Variants in TENM3 observed in about 807,000 individuals in gnomAD.
The protein encoded by TENM3 is teneurin transmembrane protein 3.
Under a neutral mutation model 255.1 loss-of-function variants are expected in TENM3, and 63 were observed. The observed-to-expected ratio is 0.25, with a 90% confidence interval of 0.20 to 0.30. The LOEUF is 0.30. Ranked by LOEUF, TENM3 falls within the 10% of genes least tolerant of loss-of-function variation. The probability of loss-of-function intolerance (pLI) is 1.00; values close to 1 mark genes in which losing one functional copy is unlikely to be tolerated. For synonymous variants in TENM3, 1,306 were observed against 1,322.3 expected (o/e 0.99, Z 0.27); for missense variants, 2,929 against 3,461.1 (o/e 0.85, Z 3.86).
At chr4:181,647,404 A>G in the TENM3 span, among the ~76,000 whole-genome samples, 1 of 152,248 alleles carries the variant, frequency 6.6e-6, no homozygotes, top group African/African-American at 2.4e-5. Flanking sequence ...CAGCAGCTCT[A>G]GGAGAGGAAA....
chr4:182,799,737 A>T lies in TENM3; in HGVS notation c.7486A>T (p.Ile2496Phe). The change falls in exon 28 of 28, where the codon ATC becomes TTC. Residue 2496 changes from isoleucine to phenylalanine, a missense_variant. Ile to Phe is a conservative substitution (Grantham distance 21). Transcript: ENST00000511685. This position sits in a 1 kb window ranked among gnomAD's most constrained non-coding sequence, Gnocchi z 4.2. ...WLWFATVKSL[I>F]GKGVMLAVSQ... ...GTGGTTCGCCACGGTCAAGTCGCTG[A>T]TCGGCAAGGGCGTCATGCTGGCCGT... The T allele has an allele frequency of 6.4e-7, 1 of 1,559,558 alleles. No individual in the cohort carries two copies. Among genetic ancestry groups the T allele is most frequent in the Non-Finnish European group, 8.7e-7 (1 of 1,152,906 alleles).
chr4:182,652,300 C>A (rs1753377813), intron 5 of TENM3, among the ~76,000 whole-genome samples: 1 of 152,124 alleles, frequency 6.6e-6, no homozygotes, highest in African/African-American at 2.4e-5. Flanking sequence ...AGGTATTTTC[C>A]TGTCAGGGAG....
chr4:182,675,824 A>T (rs1200496760), intron 7 of TENM3, among the ~76,000 whole-genome samples: 2 of 152,228 alleles, frequency 1.3e-5, no homozygotes, highest in African/African-American at 4.8e-5. Context: ...GTTGACTGCA[A>T]GTTGTATATA....
the TENM3 span, among the ~76,000 whole-genome samples, chr4:181,564,216 A>C: frequency 6.6e-6 from 1 of 151,704 alleles, no homozygotes; most frequent in East Asian, 1.9e-4. Flanking sequence ...AGTAGAGATG[A>C]GGTTCCACCA....
At chr4:182,224,737 CT>C (rs112818920) in intron 1 of TENM3, among the ~76,000 whole-genome samples, 2,987 of 137,358 alleles carry the variant, frequency 0.022, 30 homozygotes, top group Non-Finnish European at 0.025. Flanking sequence ...AGTCAGATAT[CT>C]TTTTTTTTTT....
At chr4:182,177,966 T>TG (rs142337890) in intron 1 of TENM3, among the ~76,000 whole-genome samples, 28,925 of 146,642 alleles carry the variant, frequency 0.2, 3,114 homozygotes, top group South Asian at 0.25. Context: ...TTGTTTTTTT[T>TG]TTTTTTTTTG....
chr4:182,326,079 G>C (rs965596727), intron 2 of TENM3, among the ~76,000 whole-genome samples: 1 of 152,228 alleles, frequency 6.6e-6, no homozygotes, highest in African/African-American at 2.4e-5. Flanking sequence ...AATCCAAAGG[G>C]GCGGAGGAAA....
intron 3 of TENM3, among the ~76,000 whole-genome samples, chr4:182,437,075 A>ACTT (rs1772103789): frequency 6.6e-6 from 1 of 151,882 alleles, no homozygotes; most frequent in Admixed American, 6.6e-5. Flanking sequence ...GAAGGAAAGA[A>ACTT]CTTCTCAACT....
chr4:181,715,428 G>A, the TENM3 span, among the ~76,000 whole-genome samples: 1 of 152,122 alleles, frequency 6.6e-6, no homozygotes, highest in Non-Finnish European at 1.5e-5. Context: ...TGAGATACAG[G>A]ATAAATGCAT....
intron 1 of TENM3, among the ~76,000 whole-genome samples, chr4:182,294,869 G>A (rs1317544828): frequency 6.6e-6 from 1 of 152,158 alleles, no homozygotes; most frequent in African/African-American, 2.4e-5. Flanking sequence ...TATGCCCATT[G>A]CCATTATCGA....
chr4:181,772,312 A>C, the TENM3 span, among the ~76,000 whole-genome samples: 1 of 152,060 alleles, frequency 6.6e-6, no homozygotes, highest in African/African-American at 2.4e-5. Context: ...CGGGAGATGG[A>C]GGTTGCAGTG....
chr4:181,464,821 C>T, the TENM3 span, among the ~76,000 whole-genome samples: 3 of 152,048 alleles, frequency 2.0e-5, no homozygotes, highest in African/African-American at 4.8e-5. Context: ...CATGGTGGCT[C>T]ATGCCTGTAA....
At chr4:181,453,855 G>A in the TENM3 span, among the ~76,000 whole-genome samples, 1 of 152,140 alleles carries the variant, frequency 6.6e-6, no homozygotes, top group Admixed American at 6.5e-5. Flanking sequence ...AGTCTTAGAA[G>A]AAACTCACAG....
At chr4:182,435,566 A>G (rs1311829104) in intron 3 of TENM3, among the ~76,000 whole-genome samples, 2 of 152,198 alleles carry the variant, frequency 1.3e-5, no homozygotes, top group African/African-American at 4.8e-5. Context: ...CAGCATGGGA[A>G]CAGGGCTGGC....
chr4:182,330,813 C>G (rs1338196504), intron 2 of TENM3, among the ~76,000 whole-genome samples: 1 of 152,152 alleles, frequency 6.6e-6, no homozygotes, highest in Non-Finnish European at 1.5e-5. Context: ...GGAAATGTGT[C>G]AGAAGCACTA....
At chr4:182,289,142 A>C (rs1029551830) in intron 1 of TENM3, among the ~76,000 whole-genome samples, 7 of 152,202 alleles carry the variant, frequency 4.6e-5, no homozygotes, top group Admixed American at 1.3e-4. Flanking sequence ...ACGTGGAAGG[A>C]TCACTTGAGC....
At chr4:181,471,119 T>G in the TENM3 span, among the ~76,000 whole-genome samples, 14 of 152,204 alleles carry the variant, frequency 9.2e-5, no homozygotes, top group African/African-American at 3.1e-4. Context: ...ATTATCTTAT[T>G]ATCTTCCACA....
the TENM3 span, among the ~76,000 whole-genome samples, chr4:181,592,334 CTTT>C: frequency 0.35 from 48,560 of 136,998 alleles, 9,513 homozygotes; most frequent in Non-Finnish European, 0.44. Context: ...CCATATGGCT[CTTT>C]TTTTTTTTTT....
At chr4:181,663,545 T>C in the TENM3 span, among the ~76,000 whole-genome samples, 1 of 152,214 alleles carries the variant, frequency 6.6e-6, no homozygotes, top group Admixed American at 6.5e-5. Flanking sequence ...GGGTAGAATT[T>C]AACATTCTAA....
Sources: gnomAD v4.1 joint callset for allele counts (sites outside exome capture counted in the v4.1 genomes callset) on GRCh38, gnomAD v4.1.1 for gene constraint, Gnocchi (gnomAD v3.1) non-coding constraint, MANE v1.5 for transcripts, NCBI Gene and HGNC (gene_info 2026-07-23, HGNC 2026-07-21) for gene names.